The following CENPF variants were observed in gnomAD, a reference collection of about 807,000 sequenced individuals.
CENPF encodes AH antigen.
In CENPF, 214 loss-of-function variants were observed where a neutral mutation model predicts 307.3. That is an observed-to-expected ratio of 0.70 (90% CI 0.62 to 0.78). The LOEUF (loss-of-function observed/expected upper bound fraction) is 0.78, where lower values mean the gene tolerates loss of function less well. Ranked by LOEUF, CENPF falls within the 30% of genes least tolerant of loss-of-function variation. The pLI is 0.00. For missense variants in CENPF, 3,401 were observed against 3,483.9 expected (o/e 0.98, Z 0.60); for synonymous variants, 1,259 against 1,270.6 (o/e 0.99, Z 0.19).
rs1447026171 is a variant in CENPF at position 214,647,150 on chromosome 1, T to C, written c.7580T>C (p.Leu2527Pro). Residue 2527 changes from leucine (L) to proline (P), a missense_variant, in exon 13 of 20, where the codon CTG (leucine) becomes CCG (proline). Leu to Pro is a moderately conservative substitution (Grantham distance 98, BLOSUM62 -3). Coordinates refer to ENST00000366955, the MANE Select transcript of CENPF (RefSeq NM_016343.4). ...LEKKDEEISR[L>P]KNQIQDQEQL... ...AAGAAGGATGAAGAAATCAGTAGAC[T>C]GAAAAATCAAATTCAAGACCAAGAG... is the stretch of plus-strand genomic sequence containing the variant. 6 of 1,613,890 alleles carry C rather than the reference T, an allele frequency of 3.7e-6. No individual in the cohort carries two copies. The Admixed American group carries it at 5.0e-5, about 13-fold the overall frequency.
In CENPF at chr1:214,630,566, A is replaced by G. The variant is rs759647609; in HGVS notation, c.1227A>G (p.Thr409=). ...ELSRQQRSFQ[T]LDQECIQMKA... ...CCCGTCAACAGCGTTCTTTCCAAACACTGGACCAGGAGTGCATCCAGATGA... is the reference window on the plus strand; with the variant it reads ...CCCGTCAACAGCGTTCTTTCCAAACGCTGGACCAGGAGTGCATCCAGATGA... The change falls in exon 9 of 20, where the codon ACA becomes ACG. Residue 409 remains threonine (T), a synonymous_variant. Transcript: ENST00000366955. 1 of 1,614,092 alleles carries G rather than the reference A, an allele frequency of 6.2e-7. No individual in the cohort carries two copies. The highest frequency in any genetic ancestry group is 1.3e-5 in the African/African-American group (1 of 75,004).
At chr1:214,652,743 G>T in intron 15 of CENPF, 85 bp from the exon 16 acceptor site, 2 of 1,241,210 alleles carry the variant, frequency 1.6e-6, no homozygotes, top group Non-Finnish European at 2.2e-6. Flanking sequence ...GCGCCCAGCT[G>T]TTTTTTGTTT....
At position 214,618,620 on chromosome 1, in the gene CENPF, A is replaced by G. The variant is rs145538443; in HGVS notation, c.407A>G (p.Asp136Gly). Residue 136 changes from aspartate (D) to glycine (G), a missense_variant, in exon 4 of 20, where the codon GAT becomes GGT. By Grantham distance (94) the Asp-to-Gly change is moderately conservative (BLOSUM62 -1). Coordinates refer to ENST00000366955, the MANE Select transcript of CENPF (RefSeq NM_016343.4). ...ERSQQAAQSA[D>G]VSLNPCNTPQ... ...AGCCAACAAGCTGCGCAGTCTGCAG[A>G]TGTCTCTCTGAATCCATGCAATACA... is the stretch of plus-strand genomic sequence containing the variant. 5.0e-6 allele frequency: 8 copies of G among 1,614,162 alleles called. No homozygotes were observed. The South Asian group carries it at 7.7e-5, about 16-fold the overall frequency.
In CENPF at chr1:214,648,732, C is replaced by T; in HGVS notation, c.7888C>T (p.Gln2630Ter). Residue 2630 changes from glutamine to a stop codon, truncating the protein, a stop_gained, in exon 14 of 20, where the codon CAG becomes TAG. Transcript: ENST00000366955. LOFTEE classifies it high-confidence loss of function. ...GCAGAGGGAAATGCATGAGATGGCACAGAAAACAGCAGAGCTGCAAGAAGA... is the reference window on the plus strand; with the variant it reads ...GCAGAGGGAAATGCATGAGATGGCATAGAAAACAGCAGAGCTGCAAGAAGA... Reference protein sequence around the residue: ...ELQREMHEMAQKTAELQEELS... With the variant: ...ELQREMHEMA 6.2e-7 allele frequency: 1 copy of T among 1,613,990 alleles called. No homozygotes were observed. The highest frequency in any genetic ancestry group is 8.5e-7 in the Non-Finnish European group (1 of 1,179,960).
chr1:214,617,571 G>A (rs1203350030), intron 3 of CENPF, among the ~76,000 whole-genome samples: 2 of 152,064 alleles, frequency 1.3e-5, no homozygotes, highest in African/African-American at 2.4e-5. Context: ...TATACAGGGT[G>A]TACATATATA....
chr1:214,647,510 T>C (rs751640866), intron 13 of CENPF, 110 bp downstream of exon 13: 7 of 1,252,408 alleles, frequency 5.6e-6, no homozygotes, highest in Middle Eastern at 5.7e-4. Context: ...TCTGCTATAT[T>C]GGACCAAACT....
intron 1 of CENPF, chr1:214,605,671 G>C: frequency 6.3e-7 from 1 of 1,578,760 alleles, no homozygotes; most frequent in Non-Finnish European, 8.5e-7. Flanking sequence ...GGTTGGTGCC[G>C]CCGCTAGGCG....
chr1:214,663,499 T>G, intron 19 of CENPF, 92 bp from the exon 20 acceptor site: 1 of 1,258,202 alleles, frequency 7.9e-7, no homozygotes, highest in Non-Finnish European at 1.1e-6. Context: ...GAAGAAGAAC[T>G]TAATTTAAAA....
intron 4 of CENPF, 39 bp from the exon 5 acceptor site, chr1:214,619,090 A>G (rs750836467): frequency 9.8e-7 from 1 of 1,018,662 alleles, no homozygotes; most frequent in Non-Finnish European, 1.5e-6. Context: ...CATGGAATCA[A>G]TGACTGAAAG....
chr1:214,645,704 A>G lies in CENPF; in HGVS notation c.6134A>G (p.Gln2045Arg). Reference sequence around the variant, plus strand: ...CTGCAGAGTTTGGAAAAGGACTCACAGGCACTGTCTTTGACAAAATGTGAG... The same window carrying G: ...CTGCAGAGTTTGGAAAAGGACTCACGGGCACTGTCTTTGACAAAATGTGAG... ...EKLQSLEKDS[Q>R]ALSLTKCELE... is the part of the protein sequence containing the mutation. The change falls in exon 13 of 20, where the codon CAG (glutamine) becomes CGG (arginine). Residue 2045 changes from glutamine (Q) to arginine (R), a missense_variant. Physicochemically the swap from Gln to Arg is conservative, Grantham distance 43 (BLOSUM62 1). Transcript: ENST00000366955. The G allele has an allele frequency of 6.2e-7, 1 of 1,614,232 alleles. No homozygotes were observed.
At chr1:214,649,108 C>T (rs1658394479) in intron 14 of CENPF, among the ~76,000 whole-genome samples, 1 of 152,162 alleles carries the variant, frequency 6.6e-6, no homozygotes, top group Non-Finnish European at 1.5e-5. Flanking sequence ...CACATTAACG[C>T]ACAACAGAAG....
chr1:214,613,051 G>A (rs1371867397), intron 1 of CENPF: 7 of 337,710 alleles, frequency 2.1e-5, no homozygotes, highest in Non-Finnish European at 3.9e-5. Context: ...GGACAACTTT[G>A]ATGCTACATG....
Position 214,624,720 on chromosome 1 carries a change from T to C in CENPF, c.1068+2439T>C, listed in dbSNP as rs868455782. Among the ~76,000 whole-genome samples the C allele has an allele frequency of 4.6e-5, 7 of 152,230 alleles. No individual in the cohort carries two copies. In the South Asian group the frequency reaches 1.2e-3, roughly 27 times the overall value. On this transcript the variant is annotated intron_variant, in intron 7 of 19. Transcript: ENST00000366955. ...ATCAGCCCATTGGTTCATTGATTTT[T>C]TTTTTTCTCTGTTTTCAATTTCATT... is the stretch of plus-strand genomic sequence containing the variant.
At chr1:214,604,821 G>T (rs1196631186) in intron 1 of CENPF, among the ~76,000 whole-genome samples, 1 of 152,130 alleles carries the variant, frequency 6.6e-6, no homozygotes, top group Non-Finnish European at 1.5e-5. Context: ...AATACAAGAT[G>T]CTGTGTTCCA....
chr1:214,621,091 T>C, intron 6 of CENPF, 145 bp downstream of exon 6: 2 of 682,610 alleles, frequency 2.9e-6, no homozygotes, highest in Admixed American at 3.0e-5. Flanking sequence ...ATGTGAAATA[T>C]ACTGTCTTTT....
At chr1:214,637,055 C>T (rs1657983200) in intron 10 of CENPF, among the ~76,000 whole-genome samples, 1 of 152,222 alleles carries the variant, frequency 6.6e-6, no homozygotes, top group Non-Finnish European at 1.5e-5. Flanking sequence ...AATGGAACTA[C>T]ACATGTACCT....
chr1:214,648,978 T>C (rs1571722504), intron 14 of CENPF, 151 bp downstream of exon 14: 1 of 767,546 alleles, frequency 1.3e-6, no homozygotes, highest in South Asian at 1.9e-5. Flanking sequence ...ATCTGATTTA[T>C]AGTAATCTCT....
chr1:214,651,464 A>G lies in CENPF; in HGVS notation c.7984-246A>G, dbSNP rs114314919. 1.3e-3 allele frequency among the ~76,000 whole-genome samples: 204 copies of G among 152,314 alleles called. 2 individuals are homozygous for G. The highest frequency in any genetic ancestry group is 4.7e-3 in the African/African-American group (197 of 41,576). Reference sequence around the variant, plus strand: ...GTGGTTTAATTGAATTCAAGGTTTCAGAGTTTCTGTGGTCTCTGGATATGA... The same window carrying G: ...GTGGTTTAATTGAATTCAAGGTTTCGGAGTTTCTGTGGTCTCTGGATATGA... On this transcript the variant is annotated intron_variant, in intron 14 of 19. Coordinates refer to ENST00000366955, the MANE Select transcript of CENPF (RefSeq NM_016343.4).
chr1:214,658,779 T>C, intron 18 of CENPF, 71 bp from the exon 19 acceptor site: 1 of 1,476,110 alleles, frequency 6.8e-7, no homozygotes, highest in South Asian at 1.2e-5. Flanking sequence ...TAAAACCACC[T>C]AATGAATATC....
Sources: gnomAD v4.1 joint callset for allele counts (sites outside exome capture counted in the v4.1 genomes callset) on GRCh38, gnomAD v4.1.1 for gene constraint, MANE v1.5 for transcripts, NCBI Gene and HGNC (gene_info 2026-07-23, HGNC 2026-07-21) for gene names.